The following SCN8A variants were observed in gnomAD, a reference collection of about 807,000 sequenced individuals.
SCN8A encodes the protein sodium channel protein type 8 subunit alpha.
A neutral mutation model predicts 184.1 loss-of-function variants in SCN8A; 30 were observed. The observed-to-expected ratio is 0.16, with a 90% CI of 0.12 to 0.22. SCN8A has a LOEUF of 0.22. Ranked by LOEUF, SCN8A falls within the 10% of genes least tolerant of loss-of-function variation. SCN8A has a pLI of 1.00. For synonymous variants in SCN8A, 852 were observed against 907.0 expected (o/e 0.94, Z 1.09); for missense variants, 1,057 against 2,498.9 (o/e 0.42, Z 12.30).
intron 1 of SCN8A, among the ~76,000 whole-genome samples, chr12:51,639,743 T>A (rs1156821107): frequency 6.6e-6 from 1 of 151,644 alleles, no homozygotes; most frequent in African/African-American, 2.4e-5. Flanking sequence ...ACCACCACCC[T>A]GATCAGTCAG....
rs185269212 is a variant in SCN8A at position 51,807,753 on chromosome 12, G to A, written c.*324G>A. 2.7e-4 allele frequency: 84 copies of A among 313,310 alleles called. No individual in the cohort carries two copies. Among genetic ancestry groups the A allele is most frequent in the Non-Finnish European group, 3.8e-4 (65 of 170,308 alleles). The allele number at this position is 313,310 out of a possible 1,614,324, so 19.4% of individuals were successfully genotyped here. On this transcript the variant is annotated 3_prime_UTR_variant, in exon 27 of 27. Transcript: ENST00000627620. The surrounding 1 kb of genome is among the most constrained non-coding windows in gnomAD (Gnocchi z 4.5). ...AGGCTGCCGGGACCAGCATATTTCC[G>A]TTGCAGCCAAATGGATTTTATTTTT...
chr12:51,645,128 C>T (rs1337951724), intron 1 of SCN8A, among the ~76,000 whole-genome samples: 12 of 148,220 alleles, frequency 8.1e-5, no homozygotes, highest in East Asian at 2.0e-4. Context: ...AGGTGAGGGG[C>T]GCCTCTGCCC....
At chr12:51,672,075 T>A (rs1941141411) in intron 2 of SCN8A, among the ~76,000 whole-genome samples, 1 of 152,188 alleles carries the variant, frequency 6.6e-6, no homozygotes, top group Non-Finnish European at 1.5e-5. Context: ...CTTTTCTGTA[T>A]TTTCCGTCTT....
intron 21 of SCN8A, among the ~76,000 whole-genome samples, chr12:51,783,335 CTTCTA>C (rs1937983377): frequency 6.6e-6 from 1 of 151,448 alleles, no homozygotes; most frequent in Non-Finnish European, 1.5e-5. Flanking sequence ...GGTTTTGGTT[CTTCTA>C]TATGCCAACA....
At chr12:51,683,281 G>T (rs949979839) in intron 2 of SCN8A, among the ~76,000 whole-genome samples, 4 of 152,120 alleles carry the variant, frequency 2.6e-5, no homozygotes, top group African/African-American at 7.2e-5. Context: ...TAATTCAATT[G>T]AATTCAGAAC....
At chr12:51,776,045 A>G (rs984829799) in intron 20 of SCN8A, among the ~76,000 whole-genome samples, 1 of 152,218 alleles carries the variant, frequency 6.6e-6, no homozygotes, top group South Asian at 2.1e-4. Context: ...CCTCAAGTGC[A>G]GTGGCGCCAT....
chr12:51,644,445 T>G (rs1940518434), intron 1 of SCN8A, among the ~76,000 whole-genome samples: 2 of 152,246 alleles, frequency 1.3e-5, no homozygotes, highest in South Asian at 2.1e-4. Flanking sequence ...CTATTAGAAC[T>G]GTGTCTAGCA....
chr12:51,707,023 A>G (rs1212379757), intron 11 of SCN8A, among the ~76,000 whole-genome samples: 3 of 152,178 alleles, frequency 2.0e-5, no homozygotes, highest in Admixed American at 1.3e-4. Flanking sequence ...GGTTCCATCT[A>G]TGTTGCTGCA....
chr12:51,791,323 G>A (rs938794144), intron 25 of SCN8A, among the ~76,000 whole-genome samples: 13 of 152,096 alleles, frequency 8.5e-5, no homozygotes, highest in Non-Finnish European at 1.8e-4. Context: ...GTTCCAGAAC[G>A]TTTTCTCCCC....
In SCN8A at chr12:51,807,560, C is replaced by A; in HGVS notation, c.*131C>A. ...CCTGAAGATCTATACCAAACGTCGT[C>A]TGCTTACCACGTAACACAGCTGCAT... On this transcript the variant is annotated 3_prime_UTR_variant, in exon 27 of 27. Transcript: ENST00000627620. The surrounding 1 kb of genome is among the most constrained non-coding windows in gnomAD (Gnocchi z 4.5). 8 of 980,070 alleles carry A rather than the reference C, an allele frequency of 8.2e-6. No individual in the cohort carries two copies. The South Asian group carries it at 1.1e-4, about 13-fold the overall frequency. 60.7% of individuals were successfully genotyped at this position (980,070 alleles called of 1,614,324 possible). A position where few individuals can be genotyped will look rare whatever the true frequency, so the allele number is the denominator to read the frequency against.
intron 11 of SCN8A, chr12:51,713,470 G>C (rs1430255333): frequency 1.6e-5 from 12 of 771,328 alleles, no homozygotes; most frequent in Admixed American, 5.1e-5. Flanking sequence ...ATCATCTGTA[G>C]TTTCAAAGTT....
intron 10 of SCN8A, 86 bp from the exon 11 acceptor site, chr12:51,706,336 G>A: frequency 7.7e-7 from 1 of 1,294,524 alleles, no homozygotes; most frequent in South Asian, 2.1e-5. Flanking sequence ...CCTTCAGTAG[G>A]GAAATGTTCT....
chr12:51,672,481 A>G (rs561892951), intron 2 of SCN8A, among the ~76,000 whole-genome samples: 55 of 151,678 alleles, frequency 3.6e-4, no homozygotes, highest in African/African-American at 1.2e-3. Flanking sequence ...CATGTTCTCA[A>G]CCTTTCCCTA....
At chr12:51,606,890 A>T (rs545312780) in intron 1 of SCN8A, among the ~76,000 whole-genome samples, 4 of 149,964 alleles carry the variant, frequency 2.7e-5, no homozygotes, top group South Asian at 4.2e-4. Flanking sequence ...GTTTTTATAT[A>T]TATTTATTTA....
chr12:51,614,279 C>T (rs925516825), intron 1 of SCN8A, among the ~76,000 whole-genome samples: 1 of 152,026 alleles, frequency 6.6e-6, no homozygotes, highest in African/African-American at 2.4e-5. Context: ...TAGTTACATA[C>T]ACATTTTGGA....
chr12:51,609,317 G>A (rs1437157772), intron 1 of SCN8A, among the ~76,000 whole-genome samples: 5 of 152,212 alleles, frequency 3.3e-5, no homozygotes, highest in African/African-American at 1.2e-4. Context: ...TTGTTAAATG[G>A]ATTTGTAGTT....
chr12:51,754,080 A>G (rs1429601428), intron 14 of SCN8A, among the ~76,000 whole-genome samples: 1 of 152,180 alleles, frequency 6.6e-6, no homozygotes, highest in East Asian at 1.9e-4. Context: ...CCTCCCCAAA[A>G]GAGAAAATAA....
chr12:51,607,808 A>G (rs2138571249), intron 1 of SCN8A, among the ~76,000 whole-genome samples: 1 of 152,096 alleles, frequency 6.6e-6, no homozygotes, highest in Middle Eastern at 3.4e-3. Context: ...TCTTTTTGGT[A>G]TGTTGTTGGA....
intron 20 of SCN8A, among the ~76,000 whole-genome samples, chr12:51,775,775 G>A (rs770135067): frequency 3.3e-5 from 5 of 152,306 alleles, no homozygotes; most frequent in Non-Finnish European, 5.9e-5. Context: ...ACTACCTGGC[G>A]TCAGGTGGGA....
Sources: gnomAD v4.1 joint callset for allele counts (sites outside exome capture counted in the v4.1 genomes callset) on GRCh38, gnomAD v4.1.1 for gene constraint, Gnocchi (gnomAD v3.1) non-coding constraint, MANE v1.5 for transcripts, NCBI Gene and HGNC (gene_info 2026-07-23, HGNC 2026-07-21) for gene names.